The following EEPD1 variants were observed in gnomAD, a reference collection of about 807,000 sequenced individuals.
EEPD1 encodes the protein endonuclease/exonuclease/phosphatase family domain-containing protein 1.
A neutral mutation model predicts 46.3 loss-of-function variants in EEPD1; 17 were observed. The observed-to-expected ratio is 0.37, with a 90% CI of 0.25 to 0.55. The LOEUF is 0.55. EEPD1 is among the 20% of genes least tolerant of loss of function. The pLI, the probability that EEPD1 is intolerant of heterozygous loss-of-function variation, is 0.83. For synonymous variants in EEPD1, 313 were observed against 315.6 expected (o/e 0.99, Z 0.09); for missense variants, 673 against 745.6 (o/e 0.90, Z 1.13).
chr7:36,155,716 T>C (rs1436756434), intron 2 of EEPD1, among the ~76,000 whole-genome samples: 2 of 152,232 alleles, frequency 1.3e-5, no homozygotes, highest in Non-Finnish European at 2.9e-5. Context: ...CACTCTCCAT[T>C]CTTTTTCCTT....
intron 2 of EEPD1, among the ~76,000 whole-genome samples, chr7:36,166,332 C>T (rs369713797): frequency 2.6e-5 from 4 of 152,226 alleles, no homozygotes; most frequent in Non-Finnish European, 4.4e-5. Context: ...AAAGGAGTTG[C>T]TTCTATCTTT....
In EEPD1 at chr7:36,269,666, C is replaced by T. The variant is rs552776730; in HGVS notation, c.931-11449C>T. 1.2e-4 allele frequency among the ~76,000 whole-genome samples: 18 copies of T among 152,242 alleles called. No homozygotes were observed. In the South Asian group the frequency reaches 1.9e-3, roughly 16 times the overall value. On this transcript the variant is annotated intron_variant, in intron 3 of 7. Coordinates refer to ENST00000242108, the MANE Select transcript of EEPD1 (RefSeq NM_030636.3). ...ATCCCAGTACTTCAGGAGGCCCATG[C>T]GGAAGGATCGCCTGAACCCAGGAGT... is the stretch of plus-strand genomic sequence containing the variant.
At chr7:36,191,534 G>A (rs898838587) in intron 2 of EEPD1, among the ~76,000 whole-genome samples, 37 of 152,306 alleles carry the variant, frequency 2.4e-4, no homozygotes, top group Admixed American at 9.8e-4. Context: ...CCTGGCTGCC[G>A]CATCTGGCCC....
intron 6 of EEPD1, among the ~76,000 whole-genome samples, chr7:36,296,303 T>G (rs982592905): frequency 1.3e-5 from 2 of 152,148 alleles, no homozygotes; most frequent in Non-Finnish European, 2.9e-5. Context: ...CAACCTCATC[T>G]TTAACATCTG....
chr7:36,167,485 G>T (rs2115618007), intron 2 of EEPD1, among the ~76,000 whole-genome samples: 1 of 152,242 alleles, frequency 6.6e-6, no homozygotes, highest in African/African-American at 2.4e-5. Context: ...TTAGGGCCTG[G>T]ACCCTTGCAC....
Position 36,299,440 on chromosome 7 carries a change from A to G in EEPD1, c.*234A>G. On this transcript the variant is annotated 3_prime_UTR_variant, in exon 8 of 8. Transcript: ENST00000242108. ...AAGCAGAAACCTGCGGGGAGCGGAG[A>G]CGCCTTTTATCTCTGGATGCCACAG... The G allele has an allele frequency of 1.7e-6, 1 of 579,508 alleles. No homozygotes were observed. The highest frequency in any genetic ancestry group is 4.6e-4 in the Middle Eastern group (1 of 2,180). The allele number at this position is 579,508 out of a possible 1,614,324, so 35.9% of individuals were successfully genotyped here.
At position 36,194,734 on chromosome 7, in the gene EEPD1, G is replaced by A. The variant is rs148773754; in HGVS notation, c.878+39532G>A. ...TGATCATGGAGCTCTGCCATGGGAG[G>A]TGGTTGGAGAGGCAGCAGGTGGTTC... On this transcript the variant is annotated intron_variant, in intron 2 of 7. Coordinates refer to ENST00000242108, the MANE Select transcript of EEPD1 (RefSeq NM_030636.3). Among the ~76,000 whole-genome samples the A allele has an allele frequency of 2.8e-3, 422 of 152,308 alleles. 5 individuals are homozygous for A. Among genetic ancestry groups the A allele is most frequent in the African/African-American group, 9.6e-3 (400 of 41,558 alleles).
intron 2 of EEPD1, among the ~76,000 whole-genome samples, chr7:36,194,533 C>T (rs2115685266): frequency 6.6e-6 from 1 of 152,284 alleles, no homozygotes; most frequent in East Asian, 1.9e-4. Context: ...CTCTGCATTT[C>T]CCTTGTATCA....
At chr7:36,237,914 G>A (rs1398885196) in intron 2 of EEPD1, among the ~76,000 whole-genome samples, 4 of 152,168 alleles carry the variant, frequency 2.6e-5, no homozygotes, top group Non-Finnish European at 5.9e-5. Context: ...TCACTCCACT[G>A]CATTTCAGCC....
At chr7:36,239,815 A>C (rs1786525497) in intron 3 of EEPD1, among the ~76,000 whole-genome samples, 1 of 152,084 alleles carries the variant, frequency 6.6e-6, no homozygotes, top group South Asian at 2.1e-4. Context: ...AGCTGATACC[A>C]AGCTCTCAGA....
In EEPD1 at chr7:36,176,586, G is replaced by A. The variant is rs934271679; in HGVS notation, c.878+21384G>A. On this transcript the variant is annotated intron_variant, in intron 2 of 7. Coordinates refer to ENST00000242108, the MANE Select transcript of EEPD1 (RefSeq NM_030636.3). ...CTCAAGCACTGCTGTTTGTACTTCTGTAGAGGAGTTTATAATTTTTTCTTA... is the reference window on the plus strand; with the variant it reads ...CTCAAGCACTGCTGTTTGTACTTCTATAGAGGAGTTTATAATTTTTTCTTA... Among the ~76,000 whole-genome samples the A allele has an allele frequency of 9.2e-5, 14 of 152,302 alleles. No individual in the cohort carries two copies. In the East Asian group the frequency reaches 2.7e-3, roughly 29 times the overall value.
intron 2 of EEPD1, among the ~76,000 whole-genome samples, chr7:36,205,980 G>T (rs1325967164): frequency 3.9e-5 from 6 of 152,166 alleles, no homozygotes; most frequent in Admixed American, 2.6e-4. Flanking sequence ...AATTGAGGGC[G>T]CTGTGTCTTC....
In EEPD1 at chr7:36,155,035, GC is replaced by G; in HGVS notation, c.714del (p.Thr239ProfsTer23). 1 of 1,604,164 alleles carries G rather than the reference GC, an allele frequency of 6.2e-7. No homozygotes were observed. Among genetic ancestry groups the G allele is most frequent in the Non-Finnish European group, 8.5e-7 (1 of 1,173,584 alleles). ...AGGACCTGGACCTGCCGCCAGGGGGGCCCACCCAGATTATCTCCACTCGGCC... is the reference window on the plus strand; with the variant it reads ...AGGACCTGGACCTGCCGCCAGGGGGGCCACCCAGATTATCTCCACTCGGCC... ...SEDLDLPPGG[P>X]TQIISTRPSV... On this transcript the variant is annotated frameshift_variant, in exon 2 of 8. Transcript: ENST00000242108. LOFTEE classifies it high-confidence loss of function.
At position 36,248,994 on chromosome 7, in the gene EEPD1, AACAC is replaced by A. The variant is rs71553052; in HGVS notation, c.930+9996_930+9999del. On this transcript the variant is annotated intron_variant, in intron 3 of 7. Coordinates refer to ENST00000242108, the MANE Select transcript of EEPD1 (RefSeq NM_030636.3). ...ATGGGCTAGGCTCTGTGGTTCATTA[AACAC>A]ACACACACACACACACACACACACA... Among the ~76,000 whole-genome samples the A allele has an allele frequency of 1.4e-3, 194 of 135,418 alleles. No individual in the cohort carries two copies. The Middle Eastern group carries it at 0.019, about 13-fold the overall frequency. 88.8% of individuals were successfully genotyped at this position (135,418 alleles called of 152,430 possible).
chr7:36,253,283 A>G lies in EEPD1; in HGVS notation c.930+14247A>G, dbSNP rs528772418. ...TGTTATTGATTTCTAATTTCATTCC[A>G]TATCACTGTGGTCAGAAAACATATT... On this transcript the variant is annotated intron_variant, in intron 3 of 7. Transcript: ENST00000242108. Among the ~76,000 whole-genome samples, 60 of 152,280 alleles carry G rather than the reference A, an allele frequency of 3.9e-4. 1 individual carries two copies. Among genetic ancestry groups the G allele is most frequent in the South Asian group, 2.9e-3 (14 of 4,826 alleles).
intron 2 of EEPD1, among the ~76,000 whole-genome samples, chr7:36,201,467 G>T (rs1224771303): frequency 6.6e-6 from 1 of 152,190 alleles, no homozygotes; most frequent in African/African-American, 2.4e-5. Context: ...GTCTGGACTA[G>T]GTTCGAAACT....
chr7:36,236,750 T>TCAG (rs913645134), intron 2 of EEPD1, among the ~76,000 whole-genome samples: 1 of 152,202 alleles, frequency 6.6e-6, no homozygotes, highest in African/African-American at 2.4e-5. Context: ...AACACACCAA[T>TCAG]CAGCACTCTG....
intron 3 of EEPD1, among the ~76,000 whole-genome samples, chr7:36,259,978 C>T (rs1361967015): frequency 6.6e-6 from 1 of 152,212 alleles, no homozygotes; most frequent in African/African-American, 2.4e-5. Flanking sequence ...TCCAATACAT[C>T]TCTAATCCCA....
intron 3 of EEPD1, among the ~76,000 whole-genome samples, chr7:36,260,640 G>A (rs1176775379): frequency 6.6e-6 from 1 of 152,176 alleles, no homozygotes; most frequent in Non-Finnish European, 1.5e-5. Context: ...GATGCTTTTG[G>A]CAAAGATAAA....
Sources: allele counts gnomAD v4.1 joint callset (sites outside exome capture counted in the v4.1 genomes callset), GRCh38; gene constraint gnomAD v4.1.1; transcripts MANE v1.5; gene names NCBI Gene and HGNC (gene_info 2026-07-23, HGNC 2026-07-21).